PAK5: variants seen among roughly 807,000 people sequenced by gnomAD.
PAK5 encodes the protein serine/threonine-protein kinase PAK 5.
In PAK5, 16 loss-of-function variants were observed where a neutral mutation model predicts 65.9. The ratio of observed to expected loss-of-function variants is 0.24; its 90% CI spans 0.16 to 0.37. The LOEUF (loss-of-function observed/expected upper bound fraction) is 0.37, where lower values mean the gene tolerates loss of function less well. Ranked by LOEUF, PAK5 falls within the 10% of genes least tolerant of loss-of-function variation. The pLI is 1.00. For synonymous variants in PAK5, 371 were observed against 354.9 expected (o/e 1.05, Z -0.51); for missense variants, 785 against 903.9 (o/e 0.87, Z 1.69).
chr20:9,775,343 CT>C (rs2048877030), intron 1 of PAK5, among the ~76,000 whole-genome samples: 1 of 152,144 alleles, frequency 6.6e-6, no homozygotes. Context: ...AAATTCTTCG[CT>C]CAGTTTCTGA....
chr20:9,558,669 C>T (rs1278688422), intron 6 of PAK5, among the ~76,000 whole-genome samples: 1 of 152,186 alleles, frequency 6.6e-6, no homozygotes, highest in African/African-American at 2.4e-5. Context: ...TCCCATTCAC[C>T]CTCTCTCTTC....
intron 2 of PAK5, among the ~76,000 whole-genome samples, chr20:9,703,935 A>G (rs1441060489): frequency 6.6e-6 from 1 of 152,136 alleles, no homozygotes; most frequent in Non-Finnish European, 1.5e-5. Context: ...ATTATCTCAT[A>G]AGGCACCTGC....
chr20:9,542,523 C>T, intron 9 of PAK5, 63 bp downstream of exon 9: 2 of 1,559,660 alleles, frequency 1.3e-6, no homozygotes, highest in East Asian at 2.2e-5. Flanking sequence ...GTCTTAAAAA[C>T]CAGAGAGATA....
At chr20:9,609,792 T>C (rs978855658) in intron 3 of PAK5, among the ~76,000 whole-genome samples, 1 of 152,240 alleles carries the variant, frequency 6.6e-6, no homozygotes, top group African/African-American at 2.4e-5. Flanking sequence ...AACTTTAGCA[T>C]AGACATTATG....
intron 3 of PAK5, among the ~76,000 whole-genome samples, chr20:9,615,752 A>T (rs1010738698): frequency 8.5e-5 from 13 of 152,194 alleles, no homozygotes; most frequent in Admixed American, 3.3e-4. Context: ...CGATCACTGT[A>T]GTCAGATATT....
Position 9,764,787 on chromosome 20 carries a change from G to C in PAK5, c.-161-53352C>G, listed in dbSNP as rs989615469. Among the ~76,000 whole-genome samples the C allele has an allele frequency of 1.4e-4, 21 of 152,232 alleles. No homozygotes were observed. The Middle Eastern group carries it at 0.01, about 74-fold the overall frequency. On this transcript the variant is annotated intron_variant, in intron 1 of 9. Coordinates refer to ENST00000353224, the MANE Select transcript of PAK5 (RefSeq NM_177990.4). ...GAGTACAGTTGTGGTTATTTTTCTA[G>C]AGTAACTGGATATATGTTAGGGTGG...
rs1002540828 is a variant in PAK5, at chr20:9,557,677, G to T, written c.1674C>A (p.Tyr558Ter). The T allele has an allele frequency of 1.9e-6, 3 of 1,610,542 alleles. No homozygotes were observed. Among genetic ancestry groups the T allele is most frequent in the Non-Finnish European group, 8.5e-7 (1 of 1,176,890 alleles). The change falls in exon 7 of 10, where the codon TAC (tyrosine) becomes TAA (stop). Residue 558 changes from tyrosine to a stop codon, truncating the protein, a stop_gained. Coordinates refer to ENST00000353224, the MANE Select transcript of PAK5 (RefSeq NM_177990.4). LOFTEE classifies it high-confidence loss of function. ...TGTGAATCACTCCTTGGTTATGAAG[G>T]TAGGAGAGAGCTCTCAGAACTGACA... is the stretch of plus-strand genomic sequence containing the variant. ...VCLSVLRALSYLHNQGVIHRD... is the reference protein window; with the variant it reads ...VCLSVLRALS
chr20:9,640,686 ATGTGTT>A (rs2047045301), intron 3 of PAK5, among the ~76,000 whole-genome samples: 2 of 151,856 alleles, frequency 1.3e-5, no homozygotes, highest in African/African-American at 4.8e-5. Context: ...TGATGTTCAG[ATGTGTT>A]CAGAATTTCT....
At chr20:9,727,171 G>C (rs1275449784) in intron 1 of PAK5, among the ~76,000 whole-genome samples, 1 of 152,072 alleles carries the variant, frequency 6.6e-6, no homozygotes, top group African/African-American at 2.4e-5. Context: ...TTTTTTAAGA[G>C]GTAGGAAAAC....
intron 7 of PAK5, among the ~76,000 whole-genome samples, chr20:9,549,223 T>A (rs535823179): frequency 2.8e-4 from 43 of 152,196 alleles, no homozygotes; most frequent in African/African-American, 9.6e-4. Context: ...TTATGATATA[T>A]CACTTTTTTT....
chr20:9,681,866 C>G (rs1278131936), intron 2 of PAK5, among the ~76,000 whole-genome samples: 1 of 152,100 alleles, frequency 6.6e-6, no homozygotes, highest in African/African-American at 2.4e-5. Flanking sequence ...GAAAAATACC[C>G]TGTTTTTGTT....
At chr20:9,780,823 A>T (rs937444546) in intron 1 of PAK5, among the ~76,000 whole-genome samples, 2 of 152,140 alleles carry the variant, frequency 1.3e-5, no homozygotes, top group African/African-American at 4.8e-5. Context: ...TGTGTTCTAT[A>T]TTCATGTCAT....
At chr20:9,597,326 A>T (rs1168670590) in intron 3 of PAK5, among the ~76,000 whole-genome samples, 1 of 152,200 alleles carries the variant, frequency 6.6e-6, no homozygotes, top group Non-Finnish European at 1.5e-5. Flanking sequence ...TTGATTGAAA[A>T]ACAATCTGAT....
intron 2 of PAK5, among the ~76,000 whole-genome samples, chr20:9,679,238 C>T (rs2047617242): frequency 6.6e-6 from 1 of 152,178 alleles, no homozygotes; most frequent in Non-Finnish European, 1.5e-5. Flanking sequence ...ATAATACATA[C>T]ACCATACAAA....
chr20:9,693,211 A>G (rs770849736), intron 2 of PAK5, among the ~76,000 whole-genome samples: 12 of 152,170 alleles, frequency 7.9e-5, no homozygotes, highest in African/African-American at 2.7e-4. Flanking sequence ...CTCTTTCAGA[A>G]AGGGGATAAA....
chr20:9,745,013 G>T (rs1029021383), intron 1 of PAK5, among the ~76,000 whole-genome samples: 4 of 152,050 alleles, frequency 2.6e-5, no homozygotes, highest in Non-Finnish European at 2.9e-5. Context: ...ACAGTAGACA[G>T]ACACTTCACT....
At chr20:9,546,633 G>T (rs901383623) in intron 7 of PAK5, among the ~76,000 whole-genome samples, 1 of 152,180 alleles carries the variant, frequency 6.6e-6, no homozygotes, top group Non-Finnish European at 1.5e-5. Context: ...AAGACATCAA[G>T]AAATCAGAGA....
At chr20:9,625,251 C>T (rs971197163) in intron 3 of PAK5, among the ~76,000 whole-genome samples, 9 of 152,208 alleles carry the variant, frequency 5.9e-5, no homozygotes, top group Non-Finnish European at 7.3e-5. Context: ...TTGATAACTC[C>T]TTCATCCTGA....
At chr20:9,769,900 G>C (rs6039570) in intron 1 of PAK5, among the ~76,000 whole-genome samples, 6 of 152,298 alleles carry the variant, frequency 3.9e-5, no homozygotes, top group African/African-American at 1.4e-4. Context: ...ATGGTACAAA[G>C]AAATTAGCTA....
Sources: allele counts gnomAD v4.1 joint callset (sites outside exome capture counted in the v4.1 genomes callset), GRCh38; gene constraint gnomAD v4.1.1; transcripts MANE v1.5; gene names NCBI Gene and HGNC (gene_info 2026-07-23, HGNC 2026-07-21).